The following CYS1 variants were observed in gnomAD, a reference collection of about 807,000 sequenced individuals.
The protein encoded by CYS1 is cystin-1.
Under a neutral mutation model 9.6 loss-of-function variants are expected in CYS1, and 5 were observed. That is an observed-to-expected ratio of 0.52 (90% CI 0.27 to 1.10). The LOEUF (loss-of-function observed/expected upper bound fraction) is 1.10, where lower values mean the gene tolerates loss of function less well. Among genes scored for constraint, CYS1 ranks in the 50% least tolerant of loss-of-function variants. The probability of loss-of-function intolerance (pLI) is 0.11; values close to 1 mark genes in which losing one functional copy is unlikely to be tolerated. For synonymous variants in CYS1, 88 were observed against 95.7 expected (o/e 0.92, Z 0.47); for missense variants, 221 against 207.9 (o/e 1.06, Z -0.39).
In CYS1 at chr2:10,058,556, C is replaced by T. The variant is rs1362879408; in HGVS notation, c.*297G>A. 1.5e-5 allele frequency: 5 copies of T among 324,010 alleles called. No homozygotes were observed. Among genetic ancestry groups the T allele is most frequent in the Non-Finnish European group, 2.3e-5 (4 of 174,122 alleles). 20.1% of individuals were successfully genotyped at this position (324,010 alleles called of 1,614,324 possible). ...GGAGAGCGGGCAACCAAGAGGGGCA[C>T]GCATTTCAGGCTCCAGAAGAACTGG... is the stretch of plus-strand genomic sequence containing the variant. On this transcript the variant is annotated 3_prime_UTR_variant, in exon 3 of 3. Coordinates refer to ENST00000381813, the MANE Select transcript of CYS1 (RefSeq NM_001037160.3).
chr2:10,072,654 A>T (rs970821986), intron 1 of CYS1, among the ~76,000 whole-genome samples: 2 of 152,124 alleles, frequency 1.3e-5, no homozygotes, highest in Non-Finnish European at 2.9e-5. Flanking sequence ...GGTTTTCTTA[A>T]GGAAACTTGA....
Position 10,080,314 on chromosome 2 carries a change from G to T in CYS1, c.-91C>A. ...ACGCTAGGGGGTGCGGCCGGGGCGG[G>T]CTGCAGGGGGAGGCGCGGGGCGAGG... On this transcript the variant is annotated 5_prime_UTR_variant, in exon 1 of 3. Transcript: ENST00000381813. The surrounding 1 kb of genome is among the most constrained non-coding windows in gnomAD (Gnocchi z 6.4). The T allele has an allele frequency of 1.2e-6, 1 of 828,408 alleles. No individual in the cohort carries two copies. Among genetic ancestry groups the T allele is most frequent in the Non-Finnish European group, 1.5e-6 (1 of 683,410 alleles). The allele number at this position is 828,408 out of a possible 1,614,324, so 51.3% of individuals were successfully genotyped here. A position where few individuals can be genotyped will look rare whatever the true frequency, so the allele number is the denominator to read the frequency against.
At chr2:10,075,096 A>G (rs1661825133) in intron 1 of CYS1, among the ~76,000 whole-genome samples, 3 of 142,192 alleles carry the variant, frequency 2.1e-5, no homozygotes, top group Admixed American at 7.3e-5. Flanking sequence ...TGGGCAAGAT[A>G]GAGTGAGACT....
At chr2:10,072,821 C>T (rs771390369) in intron 1 of CYS1, among the ~76,000 whole-genome samples, 4 of 152,204 alleles carry the variant, frequency 2.6e-5, no homozygotes, top group Non-Finnish European at 5.9e-5. Context: ...CACTGTAGGG[C>T]TTTGCAGGCA....
At chr2:10,075,051 G>T (rs1661824551) in intron 1 of CYS1, among the ~76,000 whole-genome samples, 1 of 152,014 alleles carries the variant, frequency 6.6e-6, no homozygotes, top group African/African-American at 2.4e-5. Context: ...GGCGGAGGCT[G>T]CAGTGAGCCG....
chr2:10,072,416 G>A (rs1661780539), intron 1 of CYS1, among the ~76,000 whole-genome samples: 1 of 152,176 alleles, frequency 6.6e-6, no homozygotes, highest in Admixed American at 6.5e-5. Flanking sequence ...AAAATCCACT[G>A]CATATTTACC....
At chr2:10,062,537 A>G (rs982337910) in intron 2 of CYS1, among the ~76,000 whole-genome samples, 1 of 152,074 alleles carries the variant, frequency 6.6e-6, no homozygotes, top group Non-Finnish European at 1.5e-5. Flanking sequence ...AGTACCTGGG[A>G]ATACAGGCAC....
intron 1 of CYS1, among the ~76,000 whole-genome samples, chr2:10,069,414 G>GCAAGTGT (rs1471875607): frequency 1.3e-5 from 2 of 152,136 alleles, no homozygotes; most frequent in African/African-American, 4.8e-5. Context: ...CTGTCACCAG[G>GCAAGTGT]CTGGAGTGCA....
chr2:10,071,715 G>C (rs1252305559), intron 1 of CYS1, among the ~76,000 whole-genome samples: 1 of 152,228 alleles, frequency 6.6e-6, no homozygotes, highest in Non-Finnish European at 1.5e-5. Flanking sequence ...GGTATGAAAA[G>C]CAAAGACACA....
chr2:10,078,722 C>T (rs1341093564), intron 1 of CYS1, among the ~76,000 whole-genome samples: 1 of 152,212 alleles, frequency 6.6e-6, no homozygotes, highest in Admixed American at 6.5e-5. Context: ...CATCGAGCTG[C>T]AGACTTCTTT....
intron 1 of CYS1, among the ~76,000 whole-genome samples, chr2:10,071,705 G>T (rs1661770269): frequency 6.6e-6 from 1 of 152,230 alleles, no homozygotes; most frequent in Non-Finnish European, 1.5e-5. Context: ...AGGAGGAGCT[G>T]GTATGAAAAG....
intron 1 of CYS1, 126 bp downstream of exon 1, chr2:10,079,780 G>T (rs921365189): frequency 2.7e-5 from 14 of 511,836 alleles, no homozygotes; most frequent in African/African-American, 1.4e-4. Context: ...CGGGGCAGCG[G>T]GGAGCACGCA....
chr2:10,069,977 G>C (rs1661743598), intron 1 of CYS1, among the ~76,000 whole-genome samples: 1 of 152,336 alleles, frequency 6.6e-6, no homozygotes, highest in African/African-American at 2.4e-5. Context: ...GGGAAAGGCT[G>C]CCCCAGGAGG....
In CYS1 at chr2:10,063,820, T is replaced by C. The variant is rs1389168259; in HGVS notation, c.371+2084A>G. ...AGCCCTGACCCTGGGGCAGGACTGC[T>C]GGGACCTGGGGCTTCCTTCCTGGTG... is the stretch of plus-strand genomic sequence containing the variant. On this transcript the variant is annotated intron_variant, in intron 2 of 2. Transcript: ENST00000381813. The surrounding 1 kb of genome is among the most constrained non-coding windows in gnomAD (Gnocchi z 4.2). Among the ~76,000 whole-genome samples, 1 of 152,212 alleles carries C rather than the reference T, an allele frequency of 6.6e-6. No homozygotes were observed. Among genetic ancestry groups the C allele is most frequent in the Admixed American group, 6.5e-5 (1 of 15,288 alleles).
At chr2:10,075,478 G>A (rs1431713637) in intron 1 of CYS1, among the ~76,000 whole-genome samples, 1 of 152,186 alleles carries the variant, frequency 6.6e-6, no homozygotes, top group Non-Finnish European at 1.5e-5. Context: ...CTACAGACTT[G>A]AACGCAGGCA....
In CYS1 at chr2:10,076,444, T is replaced by C. The variant is rs372043318; in HGVS notation, c.318+3462A>G. On this transcript the variant is annotated intron_variant, in intron 1 of 2. Transcript: ENST00000381813. This position sits in a 1 kb window ranked among gnomAD's most constrained non-coding sequence, Gnocchi z 4.3. ...CGCCCTCCTTGTGTCCTATTCTCCA[T>C]GAACTCCAGCCCAAGGCGCCTCCCA... Among the ~76,000 whole-genome samples the C allele has an allele frequency of 2.3e-3, 352 of 152,236 alleles. 1 individual carries two copies. The highest frequency in any genetic ancestry group is 8.1e-3 in the African/African-American group (335 of 41,548).
intron 1 of CYS1, among the ~76,000 whole-genome samples, chr2:10,071,666 C>T (rs1211221059): frequency 1.3e-5 from 2 of 152,192 alleles, no homozygotes; most frequent in African/African-American, 4.8e-5. Context: ...CATGAGACTC[C>T]CAGAACACAC....
intron 2 of CYS1, among the ~76,000 whole-genome samples, chr2:10,060,813 A>G (rs1558356542): frequency 6.6e-6 from 1 of 152,224 alleles, no homozygotes; most frequent in Non-Finnish European, 1.5e-5. Flanking sequence ...GATAAAACCC[A>G]GCAGCTACTC....
At chr2:10,075,540 G>GT (rs553815884) in intron 1 of CYS1, among the ~76,000 whole-genome samples, 191 of 152,264 alleles carry the variant, frequency 1.3e-3, no homozygotes, top group African/African-American at 4.2e-3. Context: ...AGTCCATTAA[G>GT]TTACCCATCA....
Sources: allele counts gnomAD v4.1 joint callset (sites outside exome capture counted in the v4.1 genomes callset), GRCh38; gene constraint gnomAD v4.1.1; non-coding constraint Gnocchi (gnomAD v3.1); transcripts MANE v1.5; gene names NCBI Gene and HGNC (gene_info 2026-07-23, HGNC 2026-07-21).